The following MCC variants were observed in gnomAD, a reference collection of about 807,000 sequenced individuals.
MCC encodes the protein colorectal mutant cancer protein.
Under a neutral mutation model 116.2 loss-of-function variants are expected in MCC, and 90 were observed. The observed-to-expected ratio is 0.77, with a 90% CI of 0.65 to 0.92. The LOEUF (loss-of-function observed/expected upper bound fraction) is 0.92. MCC is among the 40% of genes least tolerant of loss of function. The pLI is 0.00. For missense variants in MCC, 1,516 were observed against 1,312.2 expected (o/e 1.16, Z -2.40); for synonymous variants, 578 against 510.5 (o/e 1.13, Z -1.78).
At chr5:113,079,784 C>T (rs1014752579) in intron 11 of MCC, among the ~76,000 whole-genome samples, 1 of 152,198 alleles carries the variant, frequency 6.6e-6, no homozygotes, top group African/African-American at 2.4e-5. Flanking sequence ...AAAGCAATGG[C>T]ACCAAAGGCA....
chr5:113,355,441 T>G (rs1768386570), intron 2 of MCC, among the ~76,000 whole-genome samples: 1 of 152,198 alleles, frequency 6.6e-6, no homozygotes, highest in Non-Finnish European at 1.5e-5. Context: ...CAGCACTCTC[T>G]TCTTATGCTG....
intron 5 of MCC, among the ~76,000 whole-genome samples, chr5:113,134,944 C>CTTTT (rs1554056937): frequency 7.8e-6 from 1 of 128,248 alleles, no homozygotes; most frequent in Admixed American, 7.6e-5. Context: ...ACTTTTACTT[C>CTTTT]TTTTTTTTTT....
intron 3 of MCC, among the ~76,000 whole-genome samples, chr5:113,173,393 TTA>T (rs1350744740): frequency 3.3e-5 from 5 of 152,208 alleles, no homozygotes; most frequent in Non-Finnish European, 7.4e-5. Context: ...AGCTACATCT[TTA>T]TGTTACTCTA....
chr5:113,364,260 ACCAG>A (rs1561538960), intron 2 of MCC, among the ~76,000 whole-genome samples: 2 of 101,428 alleles, frequency 2.0e-5, no homozygotes, highest in African/African-American at 4.4e-5. Flanking sequence ...AAAAAAAAAA[ACCAG>A]AAAAAAAAAA....
At chr5:113,416,830 A>G (rs1770164659) in intron 1 of MCC, among the ~76,000 whole-genome samples, 1 of 152,170 alleles carries the variant, frequency 6.6e-6, no homozygotes, top group Non-Finnish European at 1.5e-5. Context: ...TACATTTTTG[A>G]CAATTAAAAT....
intron 4 of MCC, among the ~76,000 whole-genome samples, chr5:113,148,698 T>C (rs929672359): frequency 3.3e-5 from 5 of 152,184 alleles, no homozygotes; most frequent in African/African-American, 1.2e-4. Flanking sequence ...TTGCATAAAT[T>C]TCATGTTTTT....
At chr5:113,233,601 C>A (rs186470860) in intron 3 of MCC, among the ~76,000 whole-genome samples, 4 of 152,238 alleles carry the variant, frequency 2.6e-5, no homozygotes, top group African/African-American at 7.2e-5. Flanking sequence ...TGGGGTGATA[C>A]TAACTGGCAC....
intron 6 of MCC, among the ~76,000 whole-genome samples, chr5:113,116,590 C>G (rs1757408521): frequency 6.6e-6 from 1 of 152,168 alleles, no homozygotes; most frequent in Admixed American, 6.5e-5. Context: ...TAGATTAATG[C>G]CTTTCCATTT....
At chr5:113,273,748 G>C (rs917277624) in intron 3 of MCC, among the ~76,000 whole-genome samples, 2 of 151,938 alleles carry the variant, frequency 1.3e-5, no homozygotes, top group Non-Finnish European at 2.9e-5. Flanking sequence ...GCAAATGAAT[G>C]CAATTAACAC....
At chr5:113,413,734 A>G (rs897221898) in intron 1 of MCC, among the ~76,000 whole-genome samples, 1 of 152,030 alleles carries the variant, frequency 6.6e-6, no homozygotes, top group Non-Finnish European at 1.5e-5. Context: ...TCTTGGATTC[A>G]CTGATTTTTG....
intron 3 of MCC, among the ~76,000 whole-genome samples, chr5:113,201,822 A>C (rs1762693452): frequency 6.6e-6 from 1 of 152,188 alleles, no homozygotes; most frequent in Admixed American, 6.5e-5. Flanking sequence ...GATTAAAATC[A>C]AGCAAGTTTT....
intron 17 of MCC, among the ~76,000 whole-genome samples, chr5:113,039,702 C>G (rs1751557673): frequency 7.0e-6 from 1 of 142,846 alleles, no homozygotes; most frequent in African/African-American, 2.6e-5. Flanking sequence ...CCTTGCCGTC[C>G]CACTCCGCGC....
chr5:113,207,397 G>A (rs1762954933), intron 3 of MCC, among the ~76,000 whole-genome samples: 1 of 132,736 alleles, frequency 7.5e-6, no homozygotes, highest in Admixed American at 8.9e-5. Context: ...GGCAATGACA[G>A]AGACACATGA....
intron 3 of MCC, among the ~76,000 whole-genome samples, chr5:113,286,398 A>G (rs1039667526): frequency 3.3e-5 from 5 of 152,234 alleles, no homozygotes; most frequent in African/African-American, 9.6e-5. Flanking sequence ...CAACTGCTTC[A>G]GTATTTCTCA....
chr5:113,081,395 C>A (rs1340754949), intron 11 of MCC, among the ~76,000 whole-genome samples: 1 of 152,038 alleles, frequency 6.6e-6, no homozygotes, highest in Non-Finnish European at 1.5e-5. Flanking sequence ...AAGTGGCTGT[C>A]TGCGAGAGCC....
intron 3 of MCC, among the ~76,000 whole-genome samples, chr5:113,270,539 C>T (rs1765572402): frequency 6.6e-6 from 1 of 150,984 alleles, no homozygotes; most frequent in Non-Finnish European, 1.5e-5. Context: ...AACCTAGGTA[C>T]CCAAGATAAC....
intron 8 of MCC, among the ~76,000 whole-genome samples, chr5:113,092,459 CT>C (rs1393625633): frequency 2.0e-5 from 3 of 152,144 alleles, no homozygotes; most frequent in Non-Finnish European, 4.4e-5. Flanking sequence ...TTCTGACCCC[CT>C]AGGACTGTAA....
At chr5:113,410,371 A>G (rs1769951386) in intron 1 of MCC, among the ~76,000 whole-genome samples, 1 of 152,218 alleles carries the variant, frequency 6.6e-6, no homozygotes, top group Non-Finnish European at 1.5e-5. Flanking sequence ...AATTTATTTA[A>G]TTGGTAACTT....
chr5:113,397,515 A>G (rs1021981220), intron 1 of MCC, among the ~76,000 whole-genome samples: 1 of 152,214 alleles, frequency 6.6e-6, no homozygotes, highest in Non-Finnish European at 1.5e-5. Flanking sequence ...AAGTCACCTA[A>G]TTTATATTAT....
Sources: allele counts gnomAD v4.1 joint callset (sites outside exome capture counted in the v4.1 genomes callset), GRCh38; gene constraint gnomAD v4.1.1; transcripts MANE v1.5; gene names NCBI Gene and HGNC (gene_info 2026-07-23, HGNC 2026-07-21).